The following SVOP variants were observed in gnomAD, a reference collection of about 807,000 sequenced individuals.
SVOP encodes SV2 related protein.
In SVOP, 17 loss-of-function variants were observed where a neutral mutation model predicts 69.1. That is an observed-to-expected ratio of 0.25 (90% CI 0.17 to 0.37). The LOEUF is 0.37. Ranked by LOEUF, SVOP falls within the 10% of genes least tolerant of loss-of-function variation. The pLI is 1.00. For missense variants in SVOP, 435 were observed against 597.5 expected (o/e 0.73, Z 2.84); for synonymous variants, 238 against 238.6 (o/e 1.00, Z 0.02).
intron 1 of SVOP, among the ~76,000 whole-genome samples, chr12:108,988,769 TC>T (rs2040181060): frequency 5.4e-5 from 6 of 110,450 alleles, no homozygotes; most frequent in African/African-American, 2.1e-4. Flanking sequence ...TTCTTTTCTC[TC>T]TTTTTTTTTT....
intron 15 of SVOP, among the ~76,000 whole-genome samples, chr12:108,913,600 G>A (rs2039698288): frequency 6.6e-6 from 1 of 152,168 alleles, no homozygotes; most frequent in Non-Finnish European, 1.5e-5. Context: ...CAGTGCCTGT[G>A]CCAACTTCCT....
At chr12:108,974,688 G>A (rs572580448) in intron 4 of SVOP, among the ~76,000 whole-genome samples, 4 of 150,822 alleles carry the variant, frequency 2.7e-5, no homozygotes, top group East Asian at 2.0e-4. Flanking sequence ...ACAAAATCAC[G>A]CCACTATACT....
chr12:108,912,513 C>CA lies in SVOP; in HGVS notation c.*21dup, dbSNP rs1566045141. The stretch of plus-strand genomic sequence containing the variant: ...CCCCAAGCTCTGCAGCCTCAAAGAC[C>CA]AGCTCAGTCCCCCATCGGTCACTAT... On this transcript the variant is annotated 3_prime_UTR_variant, in exon 16 of 16. Coordinates refer to ENST00000610966, the MANE Select transcript of SVOP (RefSeq NM_018711.5). 2.5e-6 allele frequency: 4 copies of CA among 1,613,456 alleles called. No individual in the cohort carries two copies. The South Asian group carries it at 4.4e-5, about 18-fold the overall frequency.
chr12:108,962,457 G>A (rs1441917794), intron 5 of SVOP, among the ~76,000 whole-genome samples: 2 of 152,180 alleles, frequency 1.3e-5, no homozygotes, highest in East Asian at 1.9e-4. Flanking sequence ...AATTTTTTCT[G>A]GATAGTTAAG....
At chr12:108,969,971 C>T (rs918278966) in intron 5 of SVOP, among the ~76,000 whole-genome samples, 5 of 152,184 alleles carry the variant, frequency 3.3e-5, no homozygotes, top group African/African-American at 1.2e-4. Context: ...GCCCCATCAC[C>T]GGCCAAGACC....
chr12:108,917,787 T>A (rs2137387145), intron 14 of SVOP, among the ~76,000 whole-genome samples: 1 of 152,118 alleles, frequency 6.6e-6, no homozygotes, highest in East Asian at 1.9e-4. Flanking sequence ...GAACTACAGG[T>A]GTGCGCCACC....
chr12:108,940,758 G>A, intron 8 of SVOP, 26 bp downstream of exon 8: 1 of 1,534,100 alleles, frequency 6.5e-7, no homozygotes, highest in East Asian at 2.5e-5. Flanking sequence ...GACAGCAAAA[G>A]GTGAAATCTC....
chr12:108,951,226 A>C (rs941924644), intron 6 of SVOP, among the ~76,000 whole-genome samples: 1 of 152,198 alleles, frequency 6.6e-6, no homozygotes, highest in African/African-American at 2.4e-5. Flanking sequence ...TGTCTTTAAG[A>C]GCAGCTAAAA....
intron 12 of SVOP, among the ~76,000 whole-genome samples, chr12:108,920,528 G>C (rs2039741917): frequency 6.6e-6 from 1 of 151,412 alleles, no homozygotes; most frequent in African/African-American, 2.4e-5. Flanking sequence ...TACCTCAGTA[G>C]AGGCAGTATA....
At chr12:108,951,182 C>A (rs983672097) in intron 6 of SVOP, among the ~76,000 whole-genome samples, 2 of 152,204 alleles carry the variant, frequency 1.3e-5, no homozygotes, top group African/African-American at 2.4e-5. Context: ...AGGCAGGTTT[C>A]AAGGTAGAAC....
intron 1 of SVOP, among the ~76,000 whole-genome samples, chr12:108,985,152 A>G (rs2040159996): frequency 6.6e-6 from 1 of 151,770 alleles, no homozygotes; most frequent in Non-Finnish European, 1.5e-5. Context: ...ACTTGAACCC[A>G]TAAGGGTGAG....
chr12:108,984,303 C>T (rs1295402948), intron 1 of SVOP, among the ~76,000 whole-genome samples: 2 of 152,206 alleles, frequency 1.3e-5, no homozygotes, highest in Non-Finnish European at 1.5e-5. Context: ...CAGGTGTGAG[C>T]TACCACGCCT....
intron 1 of SVOP, among the ~76,000 whole-genome samples, chr12:108,997,652 C>T (rs1015195177): frequency 4.0e-5 from 6 of 151,328 alleles, no homozygotes; most frequent in African/African-American, 7.3e-5. Flanking sequence ...GGTCCCTGAC[C>T]CCTGACCCCC....
At chr12:108,968,305 T>C (rs1357217609) in intron 5 of SVOP, among the ~76,000 whole-genome samples, 1 of 152,176 alleles carries the variant, frequency 6.6e-6, no homozygotes, top group Non-Finnish European at 1.5e-5. Context: ...CGGAGTTTAC[T>C]AAATTCCCTC....
chr12:108,928,053 A>G (rs1269496818), intron 11 of SVOP, among the ~76,000 whole-genome samples: 5 of 151,842 alleles, frequency 3.3e-5, no homozygotes, highest in South Asian at 4.2e-4. Context: ...TTACAGGCAC[A>G]TGCCATCATG....
At chr12:108,939,640 G>A (rs2039879611) in intron 8 of SVOP, among the ~76,000 whole-genome samples, 2 of 152,092 alleles carry the variant, frequency 1.3e-5, no homozygotes, top group African/African-American at 4.8e-5. Context: ...AGCCCCTCTG[G>A]GCTTCAGTTT....
At chr12:109,010,644 G>C (rs1482874451) in intron 1 of SVOP, among the ~76,000 whole-genome samples, 1 of 152,026 alleles carries the variant, frequency 6.6e-6, no homozygotes, top group Non-Finnish European at 1.5e-5. Context: ...CTCCCAAGTA[G>C]CTGTGACCAC....
intron 1 of SVOP, among the ~76,000 whole-genome samples, chr12:109,018,022 C>G (rs997348778): frequency 2.6e-5 from 4 of 151,996 alleles, no homozygotes; most frequent in Non-Finnish European, 5.9e-5. Flanking sequence ...GGTGCTTAAG[C>G]GCAAGAACCA....
At chr12:108,989,103 T>A (rs1177799315) in intron 1 of SVOP, among the ~76,000 whole-genome samples, 1 of 152,110 alleles carries the variant, frequency 6.6e-6, no homozygotes, top group Non-Finnish European at 1.5e-5. Context: ...GGAGTCTCGC[T>A]CTGTTGCTCA....
Sources: allele counts gnomAD v4.1 joint callset (sites outside exome capture counted in the v4.1 genomes callset), GRCh38; gene constraint gnomAD v4.1.1; transcripts MANE v1.5; gene names NCBI Gene and HGNC (gene_info 2026-07-23, HGNC 2026-07-21).